The following KAZN variants were observed in gnomAD, a reference collection of about 807,000 sequenced individuals.
The protein encoded by KAZN is kazrin.
Under a neutral mutation model 87.4 loss-of-function variants are expected in KAZN, and 40 were observed. The ratio of observed to expected loss-of-function variants is 0.46; its 90% CI spans 0.36 to 0.60. The LOEUF (loss-of-function observed/expected upper bound fraction) is 0.60. Among genes scored for constraint, KAZN ranks in the 20% least tolerant of loss-of-function variants. The pLI, the probability that KAZN is intolerant of heterozygous loss-of-function variation, is 0.00. For synonymous variants in KAZN, 466 were observed against 458.3 expected (o/e 1.02, Z -0.22); for missense variants, 898 against 1,073.9 (o/e 0.84, Z 2.29).
rs1640792836 is a variant in KAZN, at chr1:15,096,040, C to T, written c.1547+1107C>T. ...GGCCATGAGGGCAACCCCTGCTGGG[C>T]TTTCCTTCCTGAGGGTCCCAAAAAC... On this transcript the variant is annotated intron_variant, in intron 10 of 14. Coordinates refer to ENST00000376030, the MANE Select transcript of KAZN (RefSeq NM_201628.3). The surrounding 1 kb of genome is among the most constrained non-coding windows in gnomAD (Gnocchi z 4.5). Among the ~76,000 whole-genome samples, 1 of 152,142 alleles carries T rather than the reference C, an allele frequency of 6.6e-6. No individual in the cohort carries two copies. The highest frequency in any genetic ancestry group is 1.9e-4 in the East Asian group (1 of 5,190).
rs1040299305 is a variant in KAZN, at chr1:15,066,065, A to G, written c.1222+312A>G. On this transcript the variant is annotated intron_variant, in intron 8 of 14. Transcript: ENST00000376030. The surrounding 1 kb of genome is among the most constrained non-coding windows in gnomAD (Gnocchi z 4.3). ...CTCTCTGTCGTCTTTGGAGCGATAC[A>G]GTTGTGTTGTTAATCTGGTTTATTA... 3 of 1,191,438 alleles carry G rather than the reference A, an allele frequency of 2.5e-6. No homozygotes were observed. The highest frequency in any genetic ancestry group is 3.1e-6 in the Non-Finnish European group (3 of 962,488). The allele number at this position is 1,191,438 out of a possible 1,614,324, so 73.8% of individuals were successfully genotyped here.
chr1:14,883,355 A>AAAAGAAAGAAAGAAAG (rs1244741160), intron 1 of KAZN, among the ~76,000 whole-genome samples: 842 of 20,620 alleles, frequency 0.041, 121 homozygotes, highest in African/African-American at 0.05. Flanking sequence ...AGAAAGAAAG[A>AAAAGAAAGAAAGAAAG]AAAGAAAGAA....
At chr1:14,327,178 GTTGA>G (rs1455242847) in intron 2 of KAZN, among the ~76,000 whole-genome samples, 1 of 152,192 alleles carries the variant, frequency 6.6e-6, no homozygotes, top group Non-Finnish European at 1.5e-5. Context: ...GTTCTCAAGG[GTTGA>G]TTTTCTTTTT....
intron 2 of KAZN, among the ~76,000 whole-genome samples, chr1:14,558,014 C>T (rs1445092675): frequency 2.0e-5 from 3 of 152,140 alleles, no homozygotes; most frequent in East Asian, 3.9e-4. Context: ...ACTCTGATGT[C>T]CAAAGGGAAA....
intron 2 of KAZN, among the ~76,000 whole-genome samples, chr1:14,248,162 G>T (rs968989697): frequency 6.6e-6 from 1 of 152,188 alleles, no homozygotes; most frequent in Admixed American, 6.5e-5. Flanking sequence ...CTTTCTGAGA[G>T]CAACCGTGGG....
At chr1:14,870,441 C>T (rs933482353) in intron 1 of KAZN, among the ~76,000 whole-genome samples, 17 of 152,182 alleles carry the variant, frequency 1.1e-4, no homozygotes, top group South Asian at 4.1e-4. Context: ...CTCCTGGGTA[C>T]GAGTGATTCT....
intron 2 of KAZN, among the ~76,000 whole-genome samples, chr1:14,468,746 T>G (rs541241604): frequency 6.6e-6 from 1 of 152,220 alleles, no homozygotes; most frequent in East Asian, 1.9e-4. Flanking sequence ...TATTTCACCA[T>G]CAGTGTCTGG....
At chr1:14,755,563 T>TCAG (rs776787349) in intron 1 of KAZN, among the ~76,000 whole-genome samples, 1 of 152,172 alleles carries the variant, frequency 6.6e-6, no homozygotes, top group Non-Finnish European at 1.5e-5. Flanking sequence ...AAGGAAGGTC[T>TCAG]CAGCGCTGAT....
At chr1:14,737,550 C>A (rs1643944916) in intron 1 of KAZN, among the ~76,000 whole-genome samples, 1 of 152,158 alleles carries the variant, frequency 6.6e-6, no homozygotes, top group Admixed American at 6.5e-5. Flanking sequence ...GCACACTGGG[C>A]AGCTTATGAG....
chr1:14,261,048 T>A (rs574810021), intron 2 of KAZN, among the ~76,000 whole-genome samples: 2 of 152,246 alleles, frequency 1.3e-5, no homozygotes, highest in Non-Finnish European at 2.9e-5. Context: ...TTTTAATACA[T>A]GTCTTAGGAA....
At chr1:14,387,967 C>T (rs1253471108) in intron 2 of KAZN, among the ~76,000 whole-genome samples, 1 of 152,234 alleles carries the variant, frequency 6.6e-6, no homozygotes, top group African/African-American at 2.4e-5. Context: ...ATCAGCGAGA[C>T]TCCGTGGGCG....
chr1:14,191,218 A>G (rs1646414024), intron 2 of KAZN, among the ~76,000 whole-genome samples: 1 of 152,184 alleles, frequency 6.6e-6, no homozygotes, highest in East Asian at 1.9e-4. Flanking sequence ...AAGAGTGAAA[A>G]ATGGATTGGC....
At chr1:14,917,869 CCTTT>C (rs3034788) in intron 1 of KAZN, among the ~76,000 whole-genome samples, 3,214 of 147,396 alleles carry the variant, frequency 0.022, 115 homozygotes, top group African/African-American at 0.08. Context: ...TTCCTTCCTT[CCTTT>C]CTTTCTTTCT....
chr1:14,376,779 A>G (rs1386596650), intron 2 of KAZN, among the ~76,000 whole-genome samples: 2 of 152,244 alleles, frequency 1.3e-5, no homozygotes, highest in African/African-American at 4.8e-5. Context: ...CAGATGAAAC[A>G]TATAGTAAGT....
At chr1:14,834,755 A>G (rs1647170122) in intron 1 of KAZN, among the ~76,000 whole-genome samples, 1 of 152,208 alleles carries the variant, frequency 6.6e-6, no homozygotes. Flanking sequence ...TGGAAAGAAA[A>G]AAGAAAAACA....
chr1:14,201,404 CTG>C (rs1352063248), intron 2 of KAZN, among the ~76,000 whole-genome samples: 1 of 152,164 alleles, frequency 6.6e-6, no homozygotes, highest in African/African-American at 2.4e-5. Flanking sequence ...CGGACAGTCC[CTG>C]TGTCTCCAAT....
intron 8 of KAZN, among the ~76,000 whole-genome samples, chr1:15,086,829 T>C (rs1394403578): frequency 6.6e-6 from 1 of 152,222 alleles, no homozygotes; most frequent in Non-Finnish European, 1.5e-5. Context: ...GGTAAATAGG[T>C]ATAGTGACTT....
At chr1:14,904,855 G>A (rs1012333968) in intron 1 of KAZN, among the ~76,000 whole-genome samples, 6 of 152,228 alleles carry the variant, frequency 3.9e-5, no homozygotes, top group East Asian at 1.9e-4. Flanking sequence ...TCCGCCACTC[G>A]GGTTCACACC....
At chr1:13,988,012 A>C (rs748328589) in intron 1 of KAZN, among the ~76,000 whole-genome samples, 12 of 152,210 alleles carry the variant, frequency 7.9e-5, no homozygotes. Flanking sequence ...CACAATTTCA[A>C]GCACTTTTAT....
Sources: allele counts gnomAD v4.1 joint callset (sites outside exome capture counted in the v4.1 genomes callset), GRCh38; gene constraint gnomAD v4.1.1; non-coding constraint Gnocchi (gnomAD v3.1); transcripts MANE v1.5; gene names NCBI Gene and HGNC (gene_info 2026-07-23, HGNC 2026-07-21).